The following ZNF184 variants were observed in gnomAD, a reference collection of about 807,000 sequenced individuals.
The protein encoded by ZNF184 is zinc finger protein 184, also known as zinc finger protein 184 (Kruppel-like).
In ZNF184, 16 loss-of-function variants were observed where a neutral mutation model predicts 54.4. The observed-to-expected ratio is 0.29, with a 90% CI of 0.20 to 0.45. The LOEUF (loss-of-function observed/expected upper bound fraction) is 0.45. Ranked by LOEUF, ZNF184 falls within the 20% of genes least tolerant of loss-of-function variation. The pLI, the probability that ZNF184 is intolerant of heterozygous loss-of-function variation, is 1.00. For missense variants in ZNF184, 681 were observed against 888.2 expected (o/e 0.77, Z 2.97); for synonymous variants, 254 against 295.3 (o/e 0.86, Z 1.43).
chr6:27,463,095 A>T, intron 3 of ZNF184, among the ~76,000 whole-genome samples: 1 of 123,990 alleles, frequency 8.1e-6, no homozygotes, highest in Admixed American at 9.1e-5. Context: ...TGGACACAGG[A>T]AGGGGAACAT....
chr6:27,446,722 G>A (rs1289131323), downstream of ZNF184, among the ~76,000 whole-genome samples: 8 of 152,184 alleles, frequency 5.3e-5, no homozygotes, highest in Non-Finnish European at 1.0e-4. Context: ...CTACAGATAC[G>A]AGACTCCAAC....
chr6:27,425,708 C>G, the ZNF184 span, among the ~76,000 whole-genome samples: 2 of 152,192 alleles, frequency 1.3e-5, no homozygotes, highest in African/African-American at 4.8e-5. Flanking sequence ...ACGTTCAGGT[C>G]GTTCTTGGTC....
Position 27,451,409 on chromosome 6 carries a change from T to C in ZNF184, c.2150A>G (p.Gln717Arg), listed in dbSNP as rs1762715077. 4 of 1,614,214 alleles carry C rather than the reference T, an allele frequency of 2.5e-6. No individual in the cohort carries two copies. Among genetic ancestry groups the C allele is most frequent in the Non-Finnish European group, 2.5e-6 (3 of 1,180,020 alleles). ...AGGCTTCTCTCCTGAATGAATTCTC[T>C]GGTGCTGAATGAGATATGTGCTCTG... is the stretch of plus-strand genomic sequence containing the variant. ...FSQSTYLIQH[Q>R]RIHSGEKPFG... Residue 717 changes from glutamine (Q) to arginine (R), a missense_variant, in exon 6 of 6, where the codon CAG becomes CGG. Gln to Arg is a conservative substitution (Grantham distance 43). Coordinates refer to ENST00000683788, the MANE Select transcript of ZNF184 (RefSeq NM_001318891.2).
At chr6:27,418,602 C>T in the ZNF184 span, among the ~76,000 whole-genome samples, 3 of 152,100 alleles carry the variant, frequency 2.0e-5, no homozygotes, top group South Asian at 6.2e-4. Flanking sequence ...TTTTAACTTG[C>T]ATTTTTCTGA....
At chr6:27,448,475 A>G (rs1030315804), downstream of ZNF184, among the ~76,000 whole-genome samples, 1 of 152,170 alleles carries the variant, frequency 6.6e-6, no homozygotes, top group African/African-American at 2.4e-5. Flanking sequence ...TCTGTGCCCG[A>G]CACTCTCCAA....
At chr6:27,415,880 T>G in the ZNF184 span, among the ~76,000 whole-genome samples, 7 of 152,154 alleles carry the variant, frequency 4.6e-5, no homozygotes, top group Non-Finnish European at 8.8e-5. Context: ...ACAACAGAAA[T>G]GTATTGTCTC....
chr6:27,463,232 A>G (rs1221394885), intron 3 of ZNF184, among the ~76,000 whole-genome samples: 1 of 151,434 alleles, frequency 6.6e-6, no homozygotes, highest in South Asian at 2.1e-4. Flanking sequence ...ATATGTAACA[A>G]ACCTGCACAT....
chr6:27,452,917 G>A lies in ZNF184; in HGVS notation c.642C>T (p.Asn214=). The A allele has an allele frequency of 6.2e-7, 1 of 1,614,118 alleles. No individual in the cohort carries two copies. The highest frequency in any genetic ancestry group is 1.3e-5 in the African/African-American group (1 of 75,022). ...TACAAGATTTCTCTTTTTTAACTGG[G>A]TTTGAATTCTGTTTGATGCTTCTTT... ...STKRSIKQNS[N]PVKKEKSCKC... The change falls in exon 6 of 6, where the codon AAC becomes AAT. Residue 214 remains asparagine (N), a synonymous_variant. Transcript: ENST00000683788. This position sits in a 1 kb window ranked among gnomAD's most constrained non-coding sequence, Gnocchi z 5.5.
At chr6:27,459,445 T>C (rs1019351521) in intron 3 of ZNF184, among the ~76,000 whole-genome samples, 3 of 151,198 alleles carry the variant, frequency 2.0e-5, no homozygotes, top group Non-Finnish European at 2.9e-5. Context: ...ACAACCCAAA[T>C]AGGCAAGTCA....
chr6:27,451,915 A>G lies in ZNF184; in HGVS notation c.1644T>C (p.His548=). ...GTTTCTCTCCAGTATGAATTCTTTCATGCTTAGCAAGAGATGAACTCCGAA... is the reference window on the plus strand; with the variant it reads ...GTTTCTCTCCAGTATGAATTCTTTCGTGCTTAGCAAGAGATGAACTCCGAA... ...AFIRSSSLAK[H]ERIHTGEKPY... is the part of the protein sequence containing the mutation. Residue 548 remains histidine (H), a synonymous_variant, in exon 6 of 6, where the codon CAT becomes CAC. Coordinates refer to ENST00000683788, the MANE Select transcript of ZNF184 (RefSeq NM_001318891.2). 1 of 1,612,616 alleles carries G rather than the reference A, an allele frequency of 6.2e-7. No homozygotes were observed. The highest frequency in any genetic ancestry group is 8.5e-7 in the Non-Finnish European group (1 of 1,179,992).
At chr6:27,467,789 C>G in intron 3 of ZNF184, 64 bp downstream of exon 3, 1 of 1,498,604 alleles carries the variant, frequency 6.7e-7, no homozygotes. Context: ...AAAAACAAAA[C>G]AAAACAAAAA....
At chr6:27,434,795 C>A in the ZNF184 span, among the ~76,000 whole-genome samples, 1 of 152,168 alleles carries the variant, frequency 6.6e-6, no homozygotes, top group African/African-American at 2.4e-5. Flanking sequence ...TATATTTTTA[C>A]ATTTAGGTCT....
At chr6:27,439,162 A>G in the ZNF184 span, among the ~76,000 whole-genome samples, 1 of 152,116 alleles carries the variant, frequency 6.6e-6, no homozygotes, top group Non-Finnish European at 1.5e-5. Flanking sequence ...AAGTACTTTA[A>G]ATTTTGAGAA....
At chr6:27,412,584 C>T in the ZNF184 span, among the ~76,000 whole-genome samples, 1 of 152,194 alleles carries the variant, frequency 6.6e-6, no homozygotes, top group South Asian at 2.1e-4. Flanking sequence ...GAGTCAAACT[C>T]TAAAATATTT....
Position 27,472,385 on chromosome 6 carries a change from T to TACCA in ZNF184, c.-92_-91insTGGT. The TACCA allele has an allele frequency of 1.3e-6, 2 of 1,554,600 alleles. No homozygotes were observed. The highest frequency in any genetic ancestry group is 8.9e-7 in the Non-Finnish European group (1 of 1,129,700). On this transcript the variant is annotated 5_prime_UTR_variant, in exon 2 of 6. Coordinates refer to ENST00000683788, the MANE Select transcript of ZNF184 (RefSeq NM_001318891.2). The surrounding 1 kb of genome is among the most constrained non-coding windows in gnomAD (Gnocchi z 4.8). ...CTGGTATCTCGGTCTAGGACTCAGATGTCTAACTCCCCTTGCAGGGAATCT... is the reference window on the plus strand; with the variant it reads ...CTGGTATCTCGGTCTAGGACTCAGATACCAGTCTAACTCCCCTTGCAGGGAATCT...
chr6:27,433,972 C>CCCTT, the ZNF184 span, among the ~76,000 whole-genome samples: 11 of 35,846 alleles, frequency 3.1e-4, no homozygotes, highest in East Asian at 2.9e-3. Context: ...TCCTCTCCCT[C>CCCTT]CCTTCCTTCC....
rs144884454 is a variant in ZNF184, at chr6:27,464,029, C to T, written c.75+3824G>A. 4.5e-4 allele frequency among the ~76,000 whole-genome samples: 69 copies of T among 152,196 alleles called. 1 individual carries two copies. Among genetic ancestry groups the T allele is most frequent in the African/African-American group, 1.6e-3 (65 of 41,518 alleles). On this transcript the variant is annotated intron_variant, in intron 3 of 5. Transcript: ENST00000683788. ...TCTTAGAAAAGTGTGGGGGCCTGTCCTGTGTATGGAGACATCACTCGTCTC... is the reference window on the plus strand; with the variant it reads ...TCTTAGAAAAGTGTGGGGGCCTGTCTTGTGTATGGAGACATCACTCGTCTC...
chr6:27,405,000 G>C, the ZNF184 span: 1 of 132,974 alleles, frequency 7.5e-6, no homozygotes, highest in Admixed American at 8.0e-5. Context: ...TGGGTAAAGA[G>C]TGAGACTCGG....
chr6:27,453,164 C>CT lies in ZNF184; in HGVS notation c.394dup (p.Arg132LysfsTer3), dbSNP rs1368006971. ...CAAGTTGGAACTCCAAGAATCATCT[C>CT]TTTTGTGTTTTTCCACTATTACCTC... On this transcript the variant is annotated frameshift_variant, in exon 6 of 6. Transcript: ENST00000683788. LOFTEE classifies it high-confidence loss of function. This position sits in a 1 kb window ranked among gnomAD's most constrained non-coding sequence, Gnocchi z 4.7. 6.2e-7 allele frequency: 1 copy of CT among 1,614,062 alleles called. No individual in the cohort carries two copies. Among genetic ancestry groups the CT allele is most frequent in the African/African-American group, 1.3e-5 (1 of 75,018 alleles).
Sources: gnomAD v4.1 joint callset for allele counts (sites outside exome capture counted in the v4.1 genomes callset) on GRCh38, gnomAD v4.1.1 for gene constraint, Gnocchi (gnomAD v3.1) non-coding constraint, MANE v1.5 for transcripts, NCBI Gene and HGNC (gene_info 2026-07-23, HGNC 2026-07-21) for gene names.